GM2A: variants seen among roughly 807,000 people sequenced by gnomAD.
GM2A encodes the protein ganglioside GM2 activator.
A neutral mutation model predicts 12.9 loss-of-function variants in GM2A; 7 were observed. The observed-to-expected ratio is 0.54, with a 90% CI of 0.31 to 1.02. The LOEUF is 1.02. Ranked by LOEUF, GM2A falls within the 50% of genes least tolerant of loss-of-function variation. GM2A has a pLI of 0.05. For missense variants in GM2A, 246 were observed against 241.0 expected (o/e 1.02, Z -0.14); for synonymous variants, 101 against 96.0 (o/e 1.05, Z -0.30).
rs1037237278 is a variant in GM2A, at chr5:151,269,408, G to T, written c.*1957G>T. 2.6e-5 allele frequency: 26 copies of T among 985,276 alleles called. No homozygotes were observed. Among genetic ancestry groups the T allele is most frequent in the Non-Finnish European group, 3.0e-5 (25 of 829,958 alleles). 61.0% of individuals were successfully genotyped at this position (985,276 alleles called of 1,614,324 possible). A position where few individuals can be genotyped will look rare whatever the true frequency, so the allele number is the denominator to read the frequency against. ...CTGCAGGAGCTTGAGCTTGCTTGTTGTCTCTGCTTCATCGCCATCCAGCTC... is the reference window on the plus strand; with the variant it reads ...CTGCAGGAGCTTGAGCTTGCTTGTTTTCTCTGCTTCATCGCCATCCAGCTC... On this transcript the variant is annotated 3_prime_UTR_variant, in exon 4 of 4. Coordinates refer to ENST00000357164, the MANE Select transcript of GM2A (RefSeq NM_000405.5).
intron 1 of GM2A, among the ~76,000 whole-genome samples, chr5:151,257,829 G>T (rs746994126): frequency 4.6e-5 from 7 of 152,170 alleles, no homozygotes; most frequent in Non-Finnish European, 1.0e-4. Context: ...TCCGCATCCT[G>T]CAAGAGCCCG....
intron 2 of GM2A, among the ~76,000 whole-genome samples, chr5:151,265,490 G>A (rs947831471): frequency 6.6e-6 from 1 of 152,200 alleles, no homozygotes; most frequent in Non-Finnish European, 1.5e-5. Flanking sequence ...CTAAAAATGT[G>A]ATTTCCTGCC....
Position 151,267,675 on chromosome 5 carries a change from G to A in GM2A, c.*224G>A. On this transcript the variant is annotated 3_prime_UTR_variant, in exon 4 of 4. Coordinates refer to ENST00000357164, the MANE Select transcript of GM2A (RefSeq NM_000405.5). ...AGTTGGACAGTTCTTGATAGCCCAG[G>A]GCATCTGCTGGGCTGACCACGTTAC... 4.7e-6 allele frequency: 7 copies of A among 1,489,192 alleles called. No homozygotes were observed. The highest frequency in any genetic ancestry group is 6.3e-6 in the Non-Finnish European group (7 of 1,116,832). The allele number at this position is 1,489,192 out of a possible 1,614,324, so 92.2% of individuals were successfully genotyped here. A position where few individuals can be genotyped will look rare whatever the true frequency, so the allele number is the denominator to read the frequency against.
intron 2 of GM2A, among the ~76,000 whole-genome samples, chr5:151,262,385 G>T (rs144991793): frequency 1.3e-5 from 2 of 152,200 alleles, no homozygotes; most frequent in African/African-American, 4.8e-5. Flanking sequence ...CTTAATCACA[G>T]CTCCTACGTT....
chr5:151,267,630 C>T lies in GM2A; in HGVS notation c.*179C>T. On this transcript the variant is annotated 3_prime_UTR_variant, in exon 4 of 4. Transcript: ENST00000357164. ...TTACATTTTAGGCTGGGGCAAGCAG[C>T]CCTGACCTAAGGGAGAATGAGTTGG... The T allele has an allele frequency of 6.6e-7, 1 of 1,518,602 alleles. No homozygotes were observed. Among genetic ancestry groups the T allele is most frequent in the Non-Finnish European group, 8.8e-7 (1 of 1,135,478 alleles). 94.1% of individuals were successfully genotyped at this position (1,518,602 alleles called of 1,614,324 possible).
rs1753919665 is a variant in GM2A at position 151,267,641 on chromosome 5, G to GGGA, written c.*192_*194dup. The GGGA allele has an allele frequency of 6.6e-7, 1 of 1,511,838 alleles. No individual in the cohort carries two copies. The highest frequency in any genetic ancestry group is 8.8e-7 in the Non-Finnish European group (1 of 1,131,360). 93.7% of individuals were successfully genotyped at this position (1,511,838 alleles called of 1,614,324 possible). The stretch of plus-strand genomic sequence containing the variant: ...GCTGGGGCAAGCAGCCCTGACCTAA[G>GGGA]GGAGAATGAGTTGGACAGTTCTTGA... On this transcript the variant is annotated 3_prime_UTR_variant, in exon 4 of 4. Coordinates refer to ENST00000357164, the MANE Select transcript of GM2A (RefSeq NM_000405.5).
At position 151,269,484 on chromosome 5, in the gene GM2A, A is replaced by G. The variant is rs1753965863; in HGVS notation, c.*2033A>G. 1 of 978,964 alleles carries G rather than the reference A, an allele frequency of 1.0e-6. No homozygotes were observed. The allele number at this position is 978,964 out of a possible 1,614,324, so 60.6% of individuals were successfully genotyped here. A position where few individuals can be genotyped will look rare whatever the true frequency, so the allele number is the denominator to read the frequency against. ...CACATCATGACTGCGGAGAGCAAAA[A>G]TCACCTAGTGACCATTGAACAGGTC... is the stretch of plus-strand genomic sequence containing the variant. On this transcript the variant is annotated 3_prime_UTR_variant, in exon 4 of 4. Transcript: ENST00000357164.
At position 151,267,607 on chromosome 5, in the gene GM2A, A is replaced by T; in HGVS notation, c.*156A>T. The T allele has an allele frequency of 6.5e-7, 1 of 1,529,956 alleles. No homozygotes were observed. The highest frequency in any genetic ancestry group is 8.8e-7 in the Non-Finnish European group (1 of 1,141,908). The allele number at this position is 1,529,956 out of a possible 1,614,324, so 94.8% of individuals were successfully genotyped here. A position where few individuals can be genotyped will look rare whatever the true frequency, so the allele number is the denominator to read the frequency against. ...CACTGAAAATCATTTTGTACCACTTACATTTTAGGCTGGGGCAAGCAGCCC... is the reference window on the plus strand; with the variant it reads ...CACTGAAAATCATTTTGTACCACTTTCATTTTAGGCTGGGGCAAGCAGCCC... On this transcript the variant is annotated 3_prime_UTR_variant, in exon 4 of 4. Coordinates refer to ENST00000357164, the MANE Select transcript of GM2A (RefSeq NM_000405.5).
In GM2A at chr5:151,270,034, C is replaced by T. The variant is rs1191316000; in HGVS notation, c.*2583C>T. ...TTCATTTTTAGTTCACATTCTTGAC[C>T]GAATCTCAGTAGCTCAGTTAATCTT... On this transcript the variant is annotated 3_prime_UTR_variant, in exon 4 of 4. Transcript: ENST00000357164. 4.1e-5 allele frequency: 50 copies of T among 1,229,816 alleles called. No individual in the cohort carries two copies. Among genetic ancestry groups the T allele is most frequent in the African/African-American group, 1.7e-4 (11 of 64,370 alleles). The allele number at this position is 1,229,816 out of a possible 1,614,324, so 76.2% of individuals were successfully genotyped here.
intron 2 of GM2A, among the ~76,000 whole-genome samples, chr5:151,262,387 T>C (rs1270100447): frequency 6.6e-6 from 1 of 152,252 alleles, no homozygotes; most frequent in Non-Finnish European, 1.5e-5. Flanking sequence ...TAATCACAGC[T>C]CCTACGTTAT....
chr5:151,256,661 T>C (rs185340231), intron 1 of GM2A, among the ~76,000 whole-genome samples: 2 of 151,570 alleles, frequency 1.3e-5, no homozygotes, highest in Admixed American at 1.3e-4. Flanking sequence ...TTCTATATAC[T>C]CCTGACTCAG....
At position 151,267,523 on chromosome 5, in the gene GM2A, G is replaced by T; in HGVS notation, c.*72G>T. The T allele has an allele frequency of 6.2e-7, 1 of 1,605,694 alleles. No homozygotes were observed. Among genetic ancestry groups the T allele is most frequent in the African/African-American group, 1.3e-5 (1 of 74,974 alleles). ...TTTCCTCTGTTTTGTGTTTGCCAAG[G>T]CCAAACTCCCACTCTCTGCCCCCCT... On this transcript the variant is annotated 3_prime_UTR_variant, in exon 4 of 4. Coordinates refer to ENST00000357164, the MANE Select transcript of GM2A (RefSeq NM_000405.5).
intron 2 of GM2A, among the ~76,000 whole-genome samples, chr5:151,263,962 G>A (rs1753840711): frequency 6.6e-6 from 1 of 152,174 alleles, no homozygotes; most frequent in African/African-American, 2.4e-5. Context: ...ATGGCCGTGG[G>A]TAAGACTGGG....
chr5:151,254,615 A>T (rs1753650029), intron 1 of GM2A, among the ~76,000 whole-genome samples: 1 of 152,194 alleles, frequency 6.6e-6, no homozygotes, highest in Admixed American at 6.5e-5. Context: ...GTTCTGATAA[A>T]CCCATCATAA....
Position 151,266,716 on chromosome 5 carries a change from A to T in GM2A, c.244-15A>T, listed in dbSNP as rs769492387. The T allele has an allele frequency of 3.1e-6, 5 of 1,588,580 alleles. No individual in the cohort carries two copies. The highest frequency in any genetic ancestry group is 1.3e-5 in the African/African-American group (1 of 74,246). Reference sequence around the variant, plus strand: ...ATAACCTTTTTCAAACCTTTGTTTTATTTTTTTTTACCAGGTGGATTTAGT... The same window carrying T: ...ATAACCTTTTTCAAACCTTTGTTTTTTTTTTTTTTACCAGGTGGATTTAGT... On this transcript the variant is annotated splice_polypyrimidine_tract_variant and intron_variant, in intron 2 of 3. Transcript: ENST00000357164.
At chr5:151,259,693 G>C in intron 1 of GM2A, 62 bp from the exon 2 acceptor site, 1 of 1,516,442 alleles carries the variant, frequency 6.6e-7, no homozygotes, top group South Asian at 1.1e-5. Context: ...CCTGTGATCT[G>C]TGATAGTTTC....
intron 1 of GM2A, among the ~76,000 whole-genome samples, chr5:151,256,340 C>T (rs1411784118): frequency 6.6e-6 from 1 of 152,084 alleles, no homozygotes; most frequent in African/African-American, 2.4e-5. Context: ...TGGTTCACCC[C>T]TATAATCCAG....
chr5:151,269,375 G>A lies in GM2A; in HGVS notation c.*1924G>A, dbSNP rs1027350022. 3.0e-6 allele frequency: 3 copies of A among 985,210 alleles called. No individual in the cohort carries two copies. Among genetic ancestry groups the A allele is most frequent in the South Asian group, 9.4e-5 (2 of 21,282 alleles). The allele number at this position is 985,210 out of a possible 1,614,324, so 61.0% of individuals were successfully genotyped here. A position where few individuals can be genotyped will look rare whatever the true frequency, so the allele number is the denominator to read the frequency against. On this transcript the variant is annotated 3_prime_UTR_variant, in exon 4 of 4. Coordinates refer to ENST00000357164, the MANE Select transcript of GM2A (RefSeq NM_000405.5). The stretch of plus-strand genomic sequence containing the variant: ...GGTGAGCCGAGGTGATTCCAGGGAC[G>A]GACCCTTCTGCAGGAGCTTGAGCTT...
chr5:151,267,389 C>G lies in GM2A; in HGVS notation c.520C>G (p.Leu174Val), dbSNP rs756479716. 6.2e-7 allele frequency: 1 copy of G among 1,614,162 alleles called. No individual in the cohort carries two copies. Among genetic ancestry groups the G allele is most frequent in the South Asian group, 1.1e-5 (1 of 91,080 alleles). The change falls in exon 4 of 4, where the codon CTG (leucine) becomes GTG (valine). Residue 174 changes from leucine to valine, a missense_variant. Transcript: ENST00000357164. ...TTGNYRIESV[L>V]SSSGKRLGCI... ...CGGGAACTACCGCATAGAGAGCGTC[C>G]TGAGCAGCAGTGGGAAGCGTCTGGG...
Sources: allele counts gnomAD v4.1 joint callset (sites outside exome capture counted in the v4.1 genomes callset), GRCh38; gene constraint gnomAD v4.1.1; transcripts MANE v1.5; gene names NCBI Gene and HGNC (gene_info 2026-07-23, HGNC 2026-07-21).